TLN2: variants seen among roughly 807,000 people sequenced by gnomAD.
TLN2 encodes the protein talin-2.
TLN2 carries 118 observed loss-of-function variants against 294.7 expected under a neutral mutation model. The ratio of observed to expected loss-of-function variants is 0.40; its 90% CI spans 0.34 to 0.47. The LOEUF (loss-of-function observed/expected upper bound fraction) is 0.47, where lower values mean the gene tolerates loss of function less well. TLN2 is among the 20% of genes least tolerant of loss of function. The pLI is 0.84. For missense variants in TLN2, 3,083 were observed against 3,282.2 expected, an observed-to-expected ratio of 0.94 and a Z score of 1.48; for synonymous variants, 1,431 against 1,304.5, an observed-to-expected ratio of 1.10 and a Z score of -2.09.
rs541545173 is a variant in TLN2, at chr15:62,414,004, A to C, written c.-238+23319A>C. Among the ~76,000 whole-genome samples, 3 of 113,818 alleles carry C rather than the reference A, an allele frequency of 2.6e-5. 1 individual carries two copies. In the South Asian group the frequency reaches 1.3e-3, roughly 48 times the overall value. 74.7% of individuals were successfully genotyped at this position (113,818 alleles called of 152,430 possible). ...TTGGAGCCATCTGGCTGCAGTGGTCAAGGGAGATTGCCTTGGGAAGTTGAA... is the reference window on the plus strand; with the variant it reads ...TTGGAGCCATCTGGCTGCAGTGGTCCAGGGAGATTGCCTTGGGAAGTTGAA... On this transcript the variant is annotated intron_variant, in intron 1 of 58. Transcript: ENST00000636159.
intron 1 of TLN2, among the ~76,000 whole-genome samples, chr15:62,546,423 G>C (rs1332792739): frequency 6.6e-6 from 1 of 152,186 alleles, no homozygotes; most frequent in Non-Finnish European, 1.5e-5. Flanking sequence ...TTTGGATTCA[G>C]CCTTTTGCTT....
chr15:62,477,217 G>T lies in TLN2; in HGVS notation c.-238+86532G>T, dbSNP rs184264805. 1.2e-4 allele frequency among the ~76,000 whole-genome samples: 18 copies of T among 152,332 alleles called. 1 individual carries two copies. The East Asian group carries it at 3.3e-3, about 28-fold the overall frequency. Reference sequence around the variant, plus strand: ...ATCCTGGGCATCTTGTTAAAACACAGATCCTAACTCAGTAGGTCTGGGTGG... The same window carrying T: ...ATCCTGGGCATCTTGTTAAAACACATATCCTAACTCAGTAGGTCTGGGTGG... On this transcript the variant is annotated intron_variant, in intron 1 of 58. Coordinates refer to ENST00000636159, the MANE Select transcript of TLN2 (RefSeq NM_015059.3).
At position 62,722,407 on chromosome 15, in the gene TLN2, C is replaced by T; in HGVS notation, c.3046C>T (p.Gln1016Ter). 1 of 1,613,430 alleles carries T rather than the reference C, an allele frequency of 6.2e-7. No homozygotes were observed. Among genetic ancestry groups the T allele is most frequent in the Non-Finnish European group, 8.5e-7 (1 of 1,179,652 alleles). ...AGCCGCAGTGCCCACCGTGAGTGAC[C>T]AGGCCGCAGCCATGCAGCTGAGCCA... is the stretch of plus-strand genomic sequence containing the variant. ...AKAAVPTVSDQAAAMQLSQCA... is the reference protein window; with the variant it reads ...AKAAVPTVSD Residue 1016 changes from glutamine to a stop codon, truncating the protein, a stop_gained, in exon 26 of 59, where the codon CAG becomes TAG. Transcript: ENST00000636159. LOFTEE classifies it high-confidence loss of function.
intron 1 of TLN2, among the ~76,000 whole-genome samples, chr15:62,480,872 G>A (rs1300812393): frequency 6.6e-6 from 1 of 152,068 alleles, no homozygotes; most frequent in Non-Finnish European, 1.5e-5. Flanking sequence ...TTCCTGCATT[G>A]CTTTCTTTGC....
chr15:62,435,996 CATG>C (rs1566969571), intron 1 of TLN2, among the ~76,000 whole-genome samples: 1 of 152,178 alleles, frequency 6.6e-6, no homozygotes, highest in Non-Finnish European at 1.5e-5. Flanking sequence ...TATCATGCTC[CATG>C]ATATCACTGT....
intron 55 of TLN2, 161 bp from the exon 56 acceptor site, chr15:62,835,576 A>T: frequency 2.7e-6 from 2 of 733,764 alleles, no homozygotes; most frequent in Non-Finnish European, 4.7e-6. Flanking sequence ...GCATGGCCTG[A>T]GTCCCACGTG....
chr15:62,554,527 C>T (rs1202226575), intron 1 of TLN2, among the ~76,000 whole-genome samples: 1 of 151,558 alleles, frequency 6.6e-6, no homozygotes, highest in African/African-American at 2.4e-5. Flanking sequence ...AATTGTAGAA[C>T]TTTGAAATAA....
chr15:62,820,229 A>T (rs1053075194), intron 53 of TLN2, among the ~76,000 whole-genome samples: 1 of 152,146 alleles, frequency 6.6e-6, no homozygotes, highest in Non-Finnish European at 1.5e-5. Flanking sequence ...GGTCCGTGAG[A>T]TCATTTTTGA....
chr15:62,443,869 T>C (rs954012313), intron 1 of TLN2, among the ~76,000 whole-genome samples: 1 of 152,138 alleles, frequency 6.6e-6, no homozygotes, highest in South Asian at 2.1e-4. Context: ...CATGGTGATA[T>C]GTGGCTGTAG....
intron 1 of TLN2, among the ~76,000 whole-genome samples, chr15:62,451,651 G>A (rs555193276): frequency 4.6e-5 from 7 of 152,184 alleles, no homozygotes; most frequent in African/African-American, 7.2e-5. Flanking sequence ...GTGAGACTCC[G>A]TCTCAAAAAA....
Position 62,840,707 on chromosome 15 carries a change from AC to A in TLN2, c.*99del. On this transcript the variant is annotated 3_prime_UTR_variant, in exon 59 of 59. Coordinates refer to ENST00000636159, the MANE Select transcript of TLN2 (RefSeq NM_015059.3). ...CTGGGCACTTAGCTGGAAACCGCCC[AC>A]CTCCCTCCCGGGTGAGCCTGGAGCC... 6.7e-7 allele frequency: 1 copy of A among 1,493,420 alleles called. No individual in the cohort carries two copies. Among genetic ancestry groups the A allele is most frequent in the Non-Finnish European group, 8.9e-7 (1 of 1,118,852 alleles). 92.5% of individuals were successfully genotyped at this position (1,493,420 alleles called of 1,614,324 possible).
chr15:62,502,307 G>A (rs955596569), intron 1 of TLN2, among the ~76,000 whole-genome samples: 28 of 152,336 alleles, frequency 1.8e-4, no homozygotes, highest in African/African-American at 6.5e-4. Flanking sequence ...TTCAAAACAT[G>A]GAGTTGCTAG....
At chr15:62,632,022 T>C (rs2049947044) in intron 3 of TLN2, among the ~76,000 whole-genome samples, 1 of 152,220 alleles carries the variant, frequency 6.6e-6, no homozygotes, top group Non-Finnish European at 1.5e-5. Flanking sequence ...GGACCACCGG[T>C]AAGAGAGTGG....
intron 1 of TLN2, among the ~76,000 whole-genome samples, chr15:62,515,049 C>T (rs1226965387): frequency 1.3e-5 from 2 of 152,162 alleles, no homozygotes; most frequent in Non-Finnish European, 2.9e-5. Context: ...CACTCTGTTT[C>T]CTTCTCTGTC....
At chr15:62,483,540 A>G (rs1182643017) in intron 1 of TLN2, among the ~76,000 whole-genome samples, 1 of 152,192 alleles carries the variant, frequency 6.6e-6, no homozygotes, top group African/African-American at 2.4e-5. Context: ...GTGAAATGCA[A>G]ATCATCAAAA....
At chr15:62,401,114 A>C (rs1015910598) in intron 1 of TLN2, among the ~76,000 whole-genome samples, 10 of 152,154 alleles carry the variant, frequency 6.6e-5, no homozygotes, top group African/African-American at 1.9e-4. Flanking sequence ...TCAGTGACAC[A>C]TAAGTGTTTG....
At chr15:62,454,201 A>G (rs1367829566) in intron 1 of TLN2, among the ~76,000 whole-genome samples, 3 of 152,044 alleles carry the variant, frequency 2.0e-5, no homozygotes, top group Non-Finnish European at 2.9e-5. Context: ...CTCAACTCTG[A>G]TTGTACTCCG....
At chr15:62,480,274 C>T (rs1006512094) in intron 1 of TLN2, among the ~76,000 whole-genome samples, 8 of 152,142 alleles carry the variant, frequency 5.3e-5, no homozygotes, top group Non-Finnish European at 7.4e-5. Context: ...AGTGCAGCGG[C>T]GCGATCTCAG....
chr15:62,397,716 A>C (rs2032670925), intron 1 of TLN2, among the ~76,000 whole-genome samples: 1 of 152,192 alleles, frequency 6.6e-6, no homozygotes, highest in African/African-American at 2.4e-5. Context: ...CATGGAAATC[A>C]CCTGCAGGGC....
Sources: allele counts gnomAD v4.1 joint callset (sites outside exome capture counted in the v4.1 genomes callset), GRCh38; gene constraint gnomAD v4.1.1; transcripts MANE v1.5; gene names NCBI Gene and HGNC (gene_info 2026-07-23, HGNC 2026-07-21).